The following RALY variants were observed in gnomAD, a reference collection of about 807,000 sequenced individuals.
RALY encodes RALY heterogeneous nuclear ribonucleoprotein.
A neutral mutation model predicts 30.7 loss-of-function variants in RALY; 15 were observed. The ratio of observed to expected loss-of-function variants is 0.49; its 90% CI spans 0.33 to 0.75. The LOEUF (loss-of-function observed/expected upper bound fraction) is 0.75, where lower values mean the gene tolerates loss of function less well. RALY is among the 30% of genes least tolerant of loss of function. The pLI, the probability that RALY is intolerant of heterozygous loss-of-function variation, is 0.02. For missense variants in RALY, 339 were observed against 414.3 expected (o/e 0.82, Z 1.58); for synonymous variants, 177 against 170.8 (o/e 1.04, Z -0.28).
intron 3 of RALY, among the ~76,000 whole-genome samples, chr20:34,072,961 A>T (rs6120506): frequency 2.7e-4 from 39 of 145,398 alleles, no homozygotes; most frequent in African/African-American, 4.9e-4. Flanking sequence ...TGTGTGTGTG[A>T]GAGAGAGAAC....
chr20:34,077,015 C>G lies in RALY; in HGVS notation c.659-13C>G, dbSNP rs1320286560. The G allele has an allele frequency of 6.2e-7, 1 of 1,610,422 alleles. No homozygotes were observed. Among genetic ancestry groups the G allele is most frequent in the African/African-American group, 1.3e-5 (1 of 74,812 alleles). On this transcript the variant is annotated splice_polypyrimidine_tract_variant and intron_variant, in intron 7 of 9. Coordinates refer to ENST00000246194, the MANE Select transcript of RALY (RefSeq NM_016732.3). ...GAGTTTTATTCTCCCCTCCTCCACC[C>G]CTTCCCCTCAAGATGGCAAGAAGAA... is the stretch of plus-strand genomic sequence containing the variant.
chr20:34,025,923 T>TA (rs2032015329), intron 1 of RALY, among the ~76,000 whole-genome samples: 1 of 126,438 alleles, frequency 7.9e-6, no homozygotes. Context: ...TTTTTTTTTG[T>TA]GGGGGGTGGG....
intron 2 of RALY, among the ~76,000 whole-genome samples, chr20:34,038,078 T>G (rs1401843510): frequency 6.6e-6 from 1 of 152,214 alleles, no homozygotes; most frequent in Non-Finnish European, 1.5e-5. Context: ...ACCTCCAGCT[T>G]GCTTGGGGGA....
chr20:34,077,276 C>T, intron 8 of RALY, 31 bp downstream of exon 8: 2 of 1,611,540 alleles, frequency 1.2e-6, no homozygotes, highest in Non-Finnish European at 1.7e-6. Flanking sequence ...ACGACTGGGA[C>T]TCGACTGTGC....
At chr20:34,077,924 T>C (rs943660894) in intron 8 of RALY, among the ~76,000 whole-genome samples, 2 of 152,194 alleles carry the variant, frequency 1.3e-5, no homozygotes, top group Non-Finnish European at 2.9e-5. Flanking sequence ...AAATCGAGGC[T>C]CAGAAAGGCT....
chr20:34,047,107 C>T (rs1192613625), intron 2 of RALY, among the ~76,000 whole-genome samples: 1 of 152,198 alleles, frequency 6.6e-6, no homozygotes, highest in Non-Finnish European at 1.5e-5. Flanking sequence ...GTGTGAGCCA[C>T]CATGCCTGGC....
chr20:34,055,770 T>C (rs758566272), intron 2 of RALY, among the ~76,000 whole-genome samples: 4 of 152,228 alleles, frequency 2.6e-5, no homozygotes, highest in Non-Finnish European at 5.9e-5. Context: ...AACTTGTTAA[T>C]ATCTTTGACA....
intron 1 of RALY, among the ~76,000 whole-genome samples, chr20:34,012,427 G>A (rs938174941): frequency 7.2e-6 from 1 of 139,680 alleles, no homozygotes; most frequent in Non-Finnish European, 1.6e-5. Context: ...TCTATCCCTC[G>A]TTGTGCCTTG....
At chr20:34,021,584 C>T (rs1601424132) in intron 1 of RALY, among the ~76,000 whole-genome samples, 1 of 152,116 alleles carries the variant, frequency 6.6e-6, no homozygotes, top group South Asian at 2.1e-4. Context: ...CTCAGAGTCC[C>T]CTGTCTCAAC....
chr20:34,037,215 G>A (rs2123119691), intron 2 of RALY, among the ~76,000 whole-genome samples: 1 of 152,350 alleles, frequency 6.6e-6, no homozygotes, highest in South Asian at 2.1e-4. Flanking sequence ...TACCAGTAGA[G>A]AGGGTGCTAG....
intron 1 of RALY, among the ~76,000 whole-genome samples, chr20:34,020,894 C>G (rs1213001397): frequency 6.6e-6 from 1 of 151,890 alleles, no homozygotes; most frequent in East Asian, 1.9e-4. Context: ...AACACCTGTC[C>G]TACCTACCGC....
In RALY at chr20:34,077,466, C is replaced by A. The variant is rs1016771531; in HGVS notation, c.876+221C>A. 6 of 978,132 alleles carry A rather than the reference C, an allele frequency of 6.1e-6. No individual in the cohort carries two copies. In the African/African-American group the frequency reaches 6.6e-5, roughly 11 times the overall value. The allele number at this position is 978,132 out of a possible 1,614,324, so 60.6% of individuals were successfully genotyped here. ...TCCCACTGAGGCCTAGGGCAGACCT[C>A]CCCCAAATGCGGGCACATTCTGGCC... On this transcript the variant is annotated intron_variant, in intron 8 of 9. Coordinates refer to ENST00000246194, the MANE Select transcript of RALY (RefSeq NM_016732.3).
At chr20:33,997,731 C>T (rs529499597) in intron 1 of RALY, among the ~76,000 whole-genome samples, 1 of 152,238 alleles carries the variant, frequency 6.6e-6, no homozygotes, top group Non-Finnish European at 1.5e-5. Context: ...TTTCAAAATG[C>T]CCTTTGACCG....
intron 1 of RALY, among the ~76,000 whole-genome samples, chr20:33,996,621 T>TTA: frequency 6.6e-6 from 1 of 150,416 alleles, no homozygotes; most frequent in African/African-American, 2.4e-5. Flanking sequence ...ATGCTTTTTT[T>TTA]AAAAAAAAAA....
chr20:34,015,975 CCT>C (rs1306849548), intron 1 of RALY, among the ~76,000 whole-genome samples: 2 of 152,142 alleles, frequency 1.3e-5, no homozygotes, highest in Admixed American at 1.3e-4. Flanking sequence ...CTCTTACACC[CCT>C]GTCCCACTGT....
At position 34,005,306 on chromosome 20, in the gene RALY, TC is replaced by T. The variant is rs574508689; in HGVS notation, c.-93+11176del. On this transcript the variant is annotated intron_variant, in intron 1 of 9. Coordinates refer to ENST00000246194, the MANE Select transcript of RALY (RefSeq NM_016732.3). ...GCAGGCAGATCATGAGGTCAGGAGA[TC>T]GAGACCATCCTGACGGAGTAGTGAA... Among the ~76,000 whole-genome samples the T allele has an allele frequency of 1.7e-4, 26 of 152,160 alleles. No individual in the cohort carries two copies. The East Asian group carries it at 4.6e-3, about 27-fold the overall frequency.
intron 2 of RALY, among the ~76,000 whole-genome samples, chr20:34,059,751 C>T (rs951838867): frequency 3.9e-5 from 6 of 152,200 alleles, no homozygotes; most frequent in Non-Finnish European, 8.8e-5. Context: ...TGCACTACCA[C>T]GGCACAGCCT....
At chr20:33,998,722 GA>G (rs1234666850) in intron 1 of RALY, among the ~76,000 whole-genome samples, 1 of 152,190 alleles carries the variant, frequency 6.6e-6, no homozygotes. Flanking sequence ...TTCAGGAGCG[GA>G]CTGGAGAGCT....
At chr20:33,999,503 A>G (rs2030809799) in intron 1 of RALY, among the ~76,000 whole-genome samples, 1 of 152,208 alleles carries the variant, frequency 6.6e-6, no homozygotes, top group African/African-American at 2.4e-5. Flanking sequence ...GGTGTGGCAC[A>G]GCCTGGAAAC....
Sources: allele counts gnomAD v4.1 joint callset (sites outside exome capture counted in the v4.1 genomes callset), GRCh38; gene constraint gnomAD v4.1.1; transcripts MANE v1.5; gene names NCBI Gene and HGNC (gene_info 2026-07-23, HGNC 2026-07-21).